The following RAB37 variants were observed in gnomAD, a reference collection of about 807,000 sequenced individuals.
RAB37 encodes the protein ras-related protein Rab-37.
In RAB37, 29 loss-of-function variants were observed where a neutral mutation model predicts 33.1. The ratio of observed to expected loss-of-function variants is 0.88; its 90% CI spans 0.65 to 1.20. RAB37 has a LOEUF of 1.20. RAB37 is among the 50% of genes most tolerant of loss of function. RAB37 has a pLI of 0.00. For missense variants in RAB37, 299 were observed against 301.1 expected (o/e 0.99, Z 0.05); for synonymous variants, 128 against 119.5 (o/e 1.07, Z -0.47).
Position 74,707,974 on chromosome 17 carries a change from C to T in RAB37, c.73-21282C>T, listed in dbSNP as rs148354108. Among the ~76,000 whole-genome samples the T allele has an allele frequency of 2.0e-3, 305 of 151,496 alleles. 1 individual carries two copies. The highest frequency in any genetic ancestry group is 6.2e-3 in the African/African-American group (255 of 41,324). ...ACCAGCCTGGCCAACATGGTGAAAC[C>T]CCATCTCTACTAAAAATACAAAAAT... On this transcript the variant is annotated intron_variant, in intron 1 of 7. Coordinates refer to the RAB37 transcript ENST00000340415.
chr17:74,741,448 T>C (rs2034612591), intron 2 of RAB37, among the ~76,000 whole-genome samples: 1 of 151,944 alleles, frequency 6.6e-6, no homozygotes, highest in Admixed American at 6.6e-5. Context: ...TAGCCAGGTG[T>C]AGTGGCACGC....
chr17:74,706,613 A>T (rs552426105), intron 1 of RAB37, among the ~76,000 whole-genome samples: 1 of 152,268 alleles, frequency 6.6e-6, no homozygotes, highest in South Asian at 2.1e-4. Context: ...GGTTGCAATG[A>T]GCCAAGATGG....
At chr17:74,704,295 G>A (rs755281690) in intron 1 of RAB37, 4 of 595,178 alleles carry the variant, frequency 6.7e-6, no homozygotes, top group Non-Finnish European at 1.2e-5. Flanking sequence ...GGAGCCCTGG[G>A]AGCCATGGGG....
chr17:74,702,528 C>A (rs2033147824), intron 1 of RAB37, among the ~76,000 whole-genome samples: 1 of 152,140 alleles, frequency 6.6e-6, no homozygotes, highest in African/African-American at 2.4e-5. Context: ...CTATAGGCAT[C>A]ACTGTTCTTG....
At chr17:74,736,894 C>T, upstream of RAB37, 3 of 1,489,842 alleles carry the variant, frequency 2.0e-6, no homozygotes, top group Middle Eastern at 4.7e-4. Context: ...GCTCGGGCGC[C>T]GCCTGCTGTC....
upstream of RAB37, chr17:74,736,584 G>A: frequency 2.6e-6 from 4 of 1,523,018 alleles, no homozygotes; most frequent in Non-Finnish European, 3.5e-6. Context: ...TGTGTGCTGC[G>A]CAGCCCTCTT....
chr17:74,718,019 G>A (rs2034188913), intron 1 of RAB37, among the ~76,000 whole-genome samples: 1 of 151,808 alleles, frequency 6.6e-6, no homozygotes, highest in African/African-American at 2.4e-5. Flanking sequence ...CAATCAGCAG[G>A]GCATAGTGGC....
At chr17:74,696,471 T>C (rs947016152) in intron 1 of RAB37, among the ~76,000 whole-genome samples, 1 of 152,192 alleles carries the variant, frequency 6.6e-6, no homozygotes, top group Non-Finnish European at 1.5e-5. Context: ...CATAGAACTG[T>C]GCACTCAGCT....
In RAB37 at chr17:74,671,462, C is replaced by A; in HGVS notation, c.-125C>A. ...GCGGGGAACTGTCCAGTGCTGAAAA[C>A]GGATGCGGCCCGGCCCGCAGAGCTC... is the stretch of plus-strand genomic sequence containing the variant. On this transcript the variant is annotated 5_prime_UTR_variant, in exon 1 of 8. Coordinates refer to the RAB37 transcript ENST00000340415. The surrounding 1 kb of genome is among the most constrained non-coding windows in gnomAD (Gnocchi z 5.0). The A allele has an allele frequency of 1.2e-6, 1 of 862,086 alleles. No individual in the cohort carries two copies. Among genetic ancestry groups the A allele is most frequent in the Non-Finnish European group, 1.8e-6 (1 of 548,282 alleles). The allele number at this position is 862,086 out of a possible 1,614,324, so 53.4% of individuals were successfully genotyped here. A position where few individuals can be genotyped will look rare whatever the true frequency, so the allele number is the denominator to read the frequency against.
At chr17:74,735,022 A>AAGGAAGGAAGGAAGGAAGG (rs1555594260), upstream of RAB37, among the ~76,000 whole-genome samples, 2 of 24,764 alleles carry the variant, frequency 8.1e-5, no homozygotes, top group South Asian at 1.6e-3. Context: ...AGGAAGGAAG[A>AAGGAAGGAAGGAAGGAAGG]AAGAAAGAAA....
At chr17:74,672,160 T>C (rs1402770607) in intron 1 of RAB37, among the ~76,000 whole-genome samples, 1 of 152,212 alleles carries the variant, frequency 6.6e-6, no homozygotes, top group Non-Finnish European at 1.5e-5. Context: ...ACAGCCCCTG[T>C]AAGCATTTGC....
intron 1 of RAB37, among the ~76,000 whole-genome samples, chr17:74,673,275 C>A (rs997475961): frequency 6.6e-6 from 1 of 151,420 alleles, no homozygotes; most frequent in Non-Finnish European, 1.5e-5. Flanking sequence ...TGGTGGTGTG[C>A]GCCTGTGATC....
intron 1 of RAB37, among the ~76,000 whole-genome samples, chr17:74,726,318 G>A (rs1164143960): frequency 1.3e-5 from 2 of 151,452 alleles, no homozygotes; most frequent in African/African-American, 2.4e-5. Flanking sequence ...AATCTGAAAT[G>A]CTGAACCCTA....
chr17:74,736,739 C>T (rs1358962251), upstream of RAB37: 8 of 1,535,686 alleles, frequency 5.2e-6, no homozygotes, highest in Non-Finnish European at 7.0e-6. Context: ...AAGGCGAGTA[C>T]GGGTTGGTAA....
intron 1 of RAB37, among the ~76,000 whole-genome samples, chr17:74,715,347 G>C (rs895372947): frequency 6.6e-6 from 1 of 152,172 alleles, no homozygotes; most frequent in African/African-American, 2.4e-5. Flanking sequence ...GGCTTTTCCA[G>C]GACGTGGCCA....
rs756411511 is a variant in RAB37 at position 74,744,434 on chromosome 17, A to AT, written c.432+62dup. 37 of 1,509,180 alleles carry AT rather than the reference A, an allele frequency of 2.5e-5. No individual in the cohort carries two copies. The South Asian group carries it at 4.2e-4, about 17-fold the overall frequency. 93.5% of individuals were successfully genotyped at this position (1,509,180 alleles called of 1,614,324 possible). A position where few individuals can be genotyped will look rare whatever the true frequency, so the allele number is the denominator to read the frequency against. On this transcript the variant is annotated intron_variant, in intron 6 of 8. Transcript: ENST00000392613. The surrounding 1 kb of genome is among the most constrained non-coding windows in gnomAD (Gnocchi z 4.2). Reference sequence around the variant, plus strand: ...CACTTCCTCAGCCCTAGCCGGCCCCATAACCACCCAAGAACAGTTATCTAG... The same window carrying AT: ...CACTTCCTCAGCCCTAGCCGGCCCCATTAACCACCCAAGAACAGTTATCTAG...
At chr17:74,674,215 C>T (rs897098404) in intron 1 of RAB37, among the ~76,000 whole-genome samples, 3 of 152,110 alleles carry the variant, frequency 2.0e-5, no homozygotes, top group Non-Finnish European at 4.4e-5. Flanking sequence ...ACTGGAACTG[C>T]AGGCATGTGC....
chr17:74,688,552 CAA>C (rs34832046), intron 1 of RAB37, among the ~76,000 whole-genome samples: 8 of 113,210 alleles, frequency 7.1e-5, no homozygotes, highest in Admixed American at 3.8e-4. Context: ...GACTGCACCT[CAA>C]AAAAAAAAAA....
rs1429572311 is a variant in RAB37 at position 74,730,996 on chromosome 17, G to C, written c.183+1630G>C. On this transcript the variant is annotated intron_variant, in intron 2 of 7. Transcript: ENST00000340415. The surrounding 1 kb of genome is among the most constrained non-coding windows in gnomAD (Gnocchi z 4.4). ...CTCAGGGTGGGCCTCCTAGAGCCTG[G>C]GCTGCCTGCTTGGTACCAGCCAGCA... Among the ~76,000 whole-genome samples, 1 of 152,296 alleles carries C rather than the reference G, an allele frequency of 6.6e-6. No homozygotes were observed. The highest frequency in any genetic ancestry group is 1.9e-4 in the East Asian group (1 of 5,174).
Sources: gnomAD v4.1 joint callset for allele counts (sites outside exome capture counted in the v4.1 genomes callset) on GRCh38, gnomAD v4.1.1 for gene constraint, Gnocchi (gnomAD v3.1) non-coding constraint, MANE v1.5 for transcripts, NCBI Gene and HGNC (gene_info 2026-07-23, HGNC 2026-07-21) for gene names.